NFIB: variants seen among roughly 807,000 people sequenced by gnomAD.
NFIB encodes the protein nuclear factor 1 B-type.
Under a neutral mutation model 61.5 loss-of-function variants are expected in NFIB, and 11 were observed. The observed-to-expected ratio is 0.18, with a 90% confidence interval of 0.11 to 0.30. The LOEUF (loss-of-function observed/expected upper bound fraction) is 0.30, where lower values mean the gene tolerates loss of function less well. NFIB is among the 10% of genes least tolerant of loss of function. The pLI is 1.00. For synonymous variants in NFIB, 260 were observed against 216.5 expected (o/e 1.20, Z -1.76); for missense variants, 471 against 608.9 (o/e 0.77, Z 2.38).
chr9:14,233,421 C>CTTTTTTTT (rs766595252), intron 2 of NFIB, among the ~76,000 whole-genome samples: 18 of 109,034 alleles, frequency 1.7e-4, no homozygotes, highest in East Asian at 2.7e-4. Flanking sequence ...TGCTATTATT[C>CTTTTTTTT]TTTTTTTTTT....
chr9:14,408,251 G>C, the NFIB span, among the ~76,000 whole-genome samples: 1 of 152,126 alleles, frequency 6.6e-6, no homozygotes, highest in Non-Finnish European at 1.5e-5. Flanking sequence ...TCTAAGTTTA[G>C]CTCTCAAGCC....
At chr9:14,146,148 C>G (rs1265106548) in intron 6 of NFIB, among the ~76,000 whole-genome samples, 1 of 152,160 alleles carries the variant, frequency 6.6e-6, no homozygotes, top group Non-Finnish European at 1.5e-5. Context: ...CTCCTCAAAG[C>G]TGCCCTAGAA....
intron 2 of NFIB, among the ~76,000 whole-genome samples, chr9:14,225,513 T>G (rs1215913817): frequency 6.7e-6 from 1 of 150,262 alleles, no homozygotes; most frequent in Non-Finnish European, 1.5e-5. Context: ...ATGATAGATT[T>G]GAAAGCAATG....
rs1222544095 is a variant in NFIB at position 14,344,923 on chromosome 9, G to A, written c.109-37403C>T. ...GGTTTAAATAACCAGCAGAAGAGGG[G>A]CTTTGAAGGAAGAGGGGTGGTTGGG... is the stretch of plus-strand genomic sequence containing the variant. On this transcript the variant is annotated intron_variant, in intron 1 of 8. Coordinates refer to the NFIB transcript ENST00000380934. 3.3e-5 allele frequency among the ~76,000 whole-genome samples: 5 copies of A among 152,264 alleles called. No homozygotes were observed. The South Asian group carries it at 6.2e-4, about 19-fold the overall frequency.
the NFIB span, among the ~76,000 whole-genome samples, chr9:14,520,910 G>T: frequency 6.6e-6 from 1 of 152,184 alleles, no homozygotes; most frequent in Non-Finnish European, 1.5e-5. Flanking sequence ...CATTTACAGT[G>T]GTTCAAAAAA....
Position 14,162,874 on chromosome 9 carries a change from G to T in NFIB, c.617-6981C>A, listed in dbSNP as rs116575176. Among the ~76,000 whole-genome samples the T allele has an allele frequency of 9.6e-3, 1,461 of 152,110 alleles. 24 individuals are homozygous for T. The highest frequency in any genetic ancestry group is 0.034 in the African/African-American group (1,396 of 41,514). ...TTTTACAGTTTACTAAGTGGGCTAT[G>T]TTTATTTTTATGGCATAATAAAATT... On this transcript the variant is annotated intron_variant, in intron 3 of 10. Transcript: ENST00000380953.
chr9:14,206,408 A>G (rs898832600), intron 2 of NFIB, among the ~76,000 whole-genome samples: 4 of 151,954 alleles, frequency 2.6e-5, no homozygotes, highest in Non-Finnish European at 5.9e-5. Context: ...AGCTCAAGCA[A>G]TCTTCCTGCC....
chr9:14,322,073 AG>A, intron 1 of NFIB: 23 of 674,428 alleles, frequency 3.4e-5, no homozygotes, highest in African/African-American at 3.2e-4. Flanking sequence ...TTTTGTGTTT[AG>A]TTAAAAAAAA....
chr9:14,524,385 GA>G, the NFIB span, among the ~76,000 whole-genome samples: 4 of 151,622 alleles, frequency 2.6e-5, no homozygotes, highest in Non-Finnish European at 5.9e-5. Flanking sequence ...GAAAATAACA[GA>G]AAAAAAATCC....
intron 3 of NFIB, 65 bp downstream of exon 3, chr9:14,179,662 C>T: frequency 6.4e-7 from 1 of 1,565,692 alleles, no homozygotes; most frequent in South Asian, 1.1e-5. Context: ...GGGTGTTTAT[C>T]TATACAGTGG....
Position 14,313,417 on chromosome 9 carries a change from A to T in NFIB, c.30+65T>A. 6.2e-7 allele frequency: 1 copy of T among 1,607,700 alleles called. No individual in the cohort carries two copies. The highest frequency in any genetic ancestry group is 8.5e-7 in the Non-Finnish European group (1 of 1,175,480). ...TTAACTCAAGCCGCTAATTGTCCGC[A>T]ACAAAACAAAACAAAGGCATTTCGG... is the stretch of plus-strand genomic sequence containing the variant. On this transcript the variant is annotated intron_variant, in intron 1 of 10. Transcript: ENST00000380953. The surrounding 1 kb of genome is among the most constrained non-coding windows in gnomAD (Gnocchi z 4.5).
At chr9:14,156,605 A>C (rs573161741) in intron 3 of NFIB, among the ~76,000 whole-genome samples, 123 of 152,252 alleles carry the variant, frequency 8.1e-4, no homozygotes, top group Non-Finnish European at 1.3e-3. Context: ...ATGACCCTTA[A>C]GTCACACCGG....
At chr9:14,175,741 G>A (rs908463914) in intron 3 of NFIB, among the ~76,000 whole-genome samples, 10 of 152,176 alleles carry the variant, frequency 6.6e-5, no homozygotes, top group African/African-American at 1.9e-4. Context: ...TGTTATTCCC[G>A]GTAAGAAAGT....
intron 2 of NFIB, among the ~76,000 whole-genome samples, chr9:14,298,012 T>C (rs755859049): frequency 3.3e-5 from 5 of 152,160 alleles, no homozygotes; most frequent in South Asian, 2.1e-4. Context: ...TTAAAATAAA[T>C]AGTTATTTTT....
At chr9:14,363,637 A>G (rs1250290251) in intron 1 of NFIB, among the ~76,000 whole-genome samples, 3 of 123,704 alleles carry the variant, frequency 2.4e-5, no homozygotes, top group African/African-American at 3.8e-5. Flanking sequence ...GTACATATAC[A>G]TATATATGTA....
intron 10 of NFIB, among the ~76,000 whole-genome samples, chr9:14,092,222 T>C (rs7857523): frequency 6.6e-6 from 1 of 151,990 alleles, no homozygotes; most frequent in African/African-American, 2.4e-5. Context: ...AGGGAAGATA[T>C]AGCAGTTGAT....
intron 2 of NFIB, among the ~76,000 whole-genome samples, chr9:14,277,686 T>C (rs570495951): frequency 1.3e-5 from 2 of 152,320 alleles, no homozygotes; most frequent in Admixed American, 6.5e-5. Context: ...CCTCTGCAGA[T>C]AGACCTAAAG....
At chr9:14,403,863 A>G (rs893324961), upstream of NFIB, among the ~76,000 whole-genome samples, 3 of 152,206 alleles carry the variant, frequency 2.0e-5, no homozygotes, top group Non-Finnish European at 4.4e-5. Context: ...AAACAAACAC[A>G]AATTCTTATA....
chr9:14,530,413 GGA>G, the NFIB span, among the ~76,000 whole-genome samples: 8 of 149,548 alleles, frequency 5.3e-5, no homozygotes, highest in South Asian at 2.1e-4. Flanking sequence ...AAAGAGAGAG[GGA>G]GAGAGAGAGA....
Sources: allele counts gnomAD v4.1 joint callset (sites outside exome capture counted in the v4.1 genomes callset), GRCh38; gene constraint gnomAD v4.1.1; non-coding constraint Gnocchi (gnomAD v3.1); transcripts MANE v1.5; gene names NCBI Gene and HGNC (gene_info 2026-07-23, HGNC 2026-07-21).